THSD7B: variants seen among roughly 807,000 people sequenced by gnomAD.
THSD7B encodes thrombospondin type 1 domain containing 7B.
A neutral mutation model predicts 213.6 loss-of-function variants in THSD7B; 138 were observed. That is an observed-to-expected ratio of 0.65 (90% CI 0.56 to 0.74). The LOEUF (loss-of-function observed/expected upper bound fraction) is 0.74, where lower values mean the gene tolerates loss of function less well. Ranked by LOEUF, THSD7B falls within the 30% of genes least tolerant of loss-of-function variation. The probability of loss-of-function intolerance (pLI) is 0.00; values close to 1 mark genes in which losing one functional copy is unlikely to be tolerated. For synonymous variants in THSD7B, 742 were observed against 687.0 expected, an observed-to-expected ratio of 1.08 and a Z score of -1.25; for missense variants, 1,931 against 1,991.5, an observed-to-expected ratio of 0.97 and a Z score of 0.58.
chr2:137,390,550 C>G (rs1685999497), intron 12 of THSD7B, among the ~76,000 whole-genome samples: 1 of 152,098 alleles, frequency 6.6e-6, no homozygotes, highest in African/African-American at 2.4e-5. Flanking sequence ...ATTTCTCTGG[C>G]TAGGAATTCC....
chr2:137,080,648 T>TG (rs1687729707), intron 3 of THSD7B, among the ~76,000 whole-genome samples: 1 of 152,164 alleles, frequency 6.6e-6, no homozygotes, highest in Non-Finnish European at 1.5e-5. Context: ...AGTTTTAAAT[T>TG]ATTTCCACCT....
At chr2:137,674,611 T>G (rs375878515) in intron 27 of THSD7B, among the ~76,000 whole-genome samples, 3 of 152,218 alleles carry the variant, frequency 2.0e-5, no homozygotes, top group South Asian at 4.1e-4. Context: ...AAAGTTAAAT[T>G]GAATGTTATT....
At chr2:137,237,448 T>C (rs1681791184) in intron 9 of THSD7B, among the ~76,000 whole-genome samples, 1 of 152,230 alleles carries the variant, frequency 6.6e-6, no homozygotes, top group Non-Finnish European at 1.5e-5. Context: ...TAGCACAGAA[T>C]ACTATTCAGT....
chr2:137,191,636 G>A (rs773990508), intron 7 of THSD7B, among the ~76,000 whole-genome samples: 10 of 151,780 alleles, frequency 6.6e-5, no homozygotes, highest in Non-Finnish European at 1.3e-4. Flanking sequence ...CTAGACCATG[G>A]CCCCATGGCT....
chr2:137,058,967 T>C (rs1329916452), intron 3 of THSD7B, among the ~76,000 whole-genome samples: 2 of 152,168 alleles, frequency 1.3e-5, no homozygotes, highest in African/African-American at 4.8e-5. Context: ...TGGTACTTTG[T>C]TATAGCAGCT....
chr2:137,276,484 A>C (rs915191385), intron 12 of THSD7B, among the ~76,000 whole-genome samples: 1 of 152,136 alleles, frequency 6.6e-6, no homozygotes, highest in Non-Finnish European at 1.5e-5. Flanking sequence ...TCATATACAT[A>C]CTCATCATAT....
chr2:137,394,285 A>G (rs1255297423), intron 12 of THSD7B, among the ~76,000 whole-genome samples: 1 of 118,142 alleles, frequency 8.5e-6, no homozygotes, highest in African/African-American at 3.1e-5. Flanking sequence ...TAGGGTTTTT[A>G]TGGTTTTAGG....
chr2:136,852,722 A>G (rs926041447), intron 1 of THSD7B, among the ~76,000 whole-genome samples: 2 of 152,182 alleles, frequency 1.3e-5, no homozygotes, highest in African/African-American at 4.8e-5. Context: ...TGTATTAAAA[A>G]CTATTTTCAT....
At chr2:137,139,179 T>A (rs1006765316) in intron 5 of THSD7B, among the ~76,000 whole-genome samples, 1 of 152,174 alleles carries the variant, frequency 6.6e-6, no homozygotes, top group Non-Finnish European at 1.5e-5. Context: ...GAGTGTTAAC[T>A]GCTGTGTTAA....
intron 10 of THSD7B, among the ~76,000 whole-genome samples, chr2:137,246,447 A>G (rs1443362570): frequency 1.3e-5 from 2 of 152,166 alleles, no homozygotes; most frequent in Non-Finnish European, 2.9e-5. Flanking sequence ...CAGAAAGCCA[A>G]GGTTGTTTAT....
At chr2:137,054,533 A>G (rs1474033205) in intron 2 of THSD7B, among the ~76,000 whole-genome samples, 1 of 152,180 alleles carries the variant, frequency 6.6e-6, no homozygotes, top group African/African-American at 2.4e-5. Flanking sequence ...GGGGATGTAT[A>G]TGTTTCTTCC....
intron 7 of THSD7B, among the ~76,000 whole-genome samples, chr2:137,198,476 G>A (rs10169562): frequency 0.92 from 140,622 of 152,200 alleles, 65,229 homozygotes; most frequent in Middle Eastern, 0.98. Context: ...TTCCTCCCCA[G>A]CTTAGAAGCT....
intron 9 of THSD7B, among the ~76,000 whole-genome samples, chr2:137,238,853 A>C (rs949669463): frequency 6.6e-6 from 1 of 152,064 alleles, no homozygotes; most frequent in African/African-American, 2.4e-5. Flanking sequence ...GCGCCCGGCC[A>C]TGACACTCAT....
At chr2:137,259,198 C>A (rs769040330) in intron 10 of THSD7B, among the ~76,000 whole-genome samples, 1 of 152,114 alleles carries the variant, frequency 6.6e-6, no homozygotes, top group Non-Finnish European at 1.5e-5. Flanking sequence ...TGGGTATATA[C>A]CCAGTGATGG....
intron 14 of THSD7B, among the ~76,000 whole-genome samples, chr2:137,425,580 A>G (rs754630860): frequency 1.3e-5 from 2 of 152,232 alleles, no homozygotes; most frequent in African/African-American, 2.4e-5. Flanking sequence ...TATTGCATTT[A>G]TATCAGGTAC....
Position 137,233,054 on chromosome 2 carries a change from G to A in THSD7B, c.2071G>A (p.Glu691Lys). The change falls in exon 9 of 28, where the codon GAA becomes AAA. Residue 691 changes from glutamate to lysine, a missense_variant. Glu to Lys is a moderately conservative substitution (Grantham distance 56). Transcript: ENST00000409968. The part of the protein sequence containing the change: ...ALNATIGWNG[E>K]ATCGVGIQTR... ...TAATGCAACCATTGGCTGGAATGGA[G>A]AAGCCACGTGTGGTGTAGGCATTCA... 1 of 1,613,944 alleles carries A rather than the reference G, an allele frequency of 6.2e-7. No homozygotes were observed. Among genetic ancestry groups the A allele is most frequent in the Non-Finnish European group, 8.5e-7 (1 of 1,179,846 alleles).
intron 12 of THSD7B, among the ~76,000 whole-genome samples, chr2:137,294,444 G>A (rs540660369): frequency 2.0e-5 from 3 of 151,776 alleles, no homozygotes; most frequent in Admixed American, 6.6e-5. Flanking sequence ...TTAGCTGGAC[G>A]TGGTGGTGAG....
intron 2 of THSD7B, among the ~76,000 whole-genome samples, chr2:136,992,505 A>G (rs1685804321): frequency 6.6e-6 from 1 of 152,162 alleles, no homozygotes. Flanking sequence ...CCTATGGGGG[A>G]TGGAGAAGTG....
chr2:137,535,275 G>A (rs989494966), intron 15 of THSD7B, among the ~76,000 whole-genome samples: 3 of 151,562 alleles, frequency 2.0e-5, no homozygotes, highest in Non-Finnish European at 3.0e-5. Context: ...AAGTATAGAG[G>A]AGGTATATGC....
Sources: allele counts gnomAD v4.1 joint callset (sites outside exome capture counted in the v4.1 genomes callset), GRCh38; gene constraint gnomAD v4.1.1; transcripts MANE v1.5; gene names NCBI Gene and HGNC (gene_info 2026-07-23, HGNC 2026-07-21).